The following PCDH9 variants were observed in gnomAD, a reference collection of about 807,000 sequenced individuals.
The protein encoded by PCDH9 is protocadherin-9.
Under a neutral mutation model 70.6 loss-of-function variants are expected in PCDH9, and 24 were observed. The observed-to-expected ratio is 0.34, with a 90% confidence interval of 0.25 to 0.48. The LOEUF (loss-of-function observed/expected upper bound fraction) is 0.48. PCDH9 is among the 20% of genes least tolerant of loss of function. PCDH9 has a pLI of 0.99. For synonymous variants in PCDH9, 562 were observed against 558.5 expected (o/e 1.01, Z -0.09); for missense variants, 1,281 against 1,503.6 (o/e 0.85, Z 2.45).
At chr13:66,469,360 G>T (rs1247608609) in intron 4 of PCDH9, among the ~76,000 whole-genome samples, 3 of 151,642 alleles carry the variant, frequency 2.0e-5, no homozygotes, top group African/African-American at 7.3e-5. Context: ...TGTCAATATT[G>T]ATTCACAGAA....
chr13:67,036,595 C>T (rs1346762848), intron 2 of PCDH9, among the ~76,000 whole-genome samples: 3 of 152,142 alleles, frequency 2.0e-5, no homozygotes, highest in African/African-American at 4.8e-5. Flanking sequence ...GGTTTTTTGA[C>T]ATGTTGTTAT....
At chr13:66,658,781 T>C (rs969855213) in intron 3 of PCDH9, among the ~76,000 whole-genome samples, 5 of 152,178 alleles carry the variant, frequency 3.3e-5, no homozygotes, top group Admixed American at 1.3e-4. Context: ...ACTTTTCCTA[T>C]CTGTTGAAAT....
chr13:67,025,187 C>G (rs967022628), intron 2 of PCDH9, among the ~76,000 whole-genome samples: 1 of 151,982 alleles, frequency 6.6e-6, no homozygotes, highest in Non-Finnish European at 1.5e-5. Flanking sequence ...GTGCTATATG[C>G]TAATTTTTTA....
chr13:67,200,988 C>T (rs538338199), intron 2 of PCDH9: 1 of 152,166 alleles, frequency 6.6e-6, no homozygotes, highest in African/African-American at 2.4e-5. Context: ...TTTTCACGAA[C>T]AAATTCAACA....
intron 2 of PCDH9, chr13:67,215,101 A>C (rs968703297): frequency 2.0e-5 from 3 of 151,080 alleles, no homozygotes; most frequent in African/African-American, 7.3e-5. Flanking sequence ...GTAGTTCATC[A>C]AGTCAGTTTT....
At chr13:66,552,140 AC>A (rs1470212585) in intron 4 of PCDH9, among the ~76,000 whole-genome samples, 24 of 152,144 alleles carry the variant, frequency 1.6e-4, no homozygotes, top group African/African-American at 5.5e-4. Flanking sequence ...GCAGATGTTC[AC>A]CCTGATCTCT....
intron 3 of PCDH9, among the ~76,000 whole-genome samples, chr13:66,765,098 G>C (rs1170274052): frequency 2.4e-5 from 3 of 125,936 alleles, no homozygotes; most frequent in South Asian, 2.6e-4. Context: ...CTCTCTCTCT[G>C]TATCTTTCTC....
intron 2 of PCDH9, among the ~76,000 whole-genome samples, chr13:67,021,609 G>A (rs769320489): frequency 3.3e-5 from 5 of 152,080 alleles, no homozygotes; most frequent in Non-Finnish European, 7.4e-5. Flanking sequence ...GCCCAGGCTG[G>A]AGTGCAGTGG....
rs557204782 is a variant in PCDH9, at chr13:66,304,722, A to C, written c.3647T>G (p.Leu1216Arg). Reference sequence around the variant, plus strand: ...TTGCTTATAAGACTTCAGATTTGCCAGAGGAATGTCTGTCATGTGGCTGCC... The same window carrying C: ...TTGCTTATAAGACTTCAGATTTGCCCGAGGAATGTCTGTCATGTGGCTGCC... ...NNGSHMTDIP[L>R]ANLKSYKQAG... The change falls in exon 5 of 5, where the codon CTG becomes CGG. Residue 1216 changes from leucine (L) to arginine (R), a missense_variant. This residue lies in a region of PCDH9 where 264 missense variants were observed against 278.8 expected (regional missense o/e 0.95). Coordinates refer to ENST00000377865, the MANE Select transcript of PCDH9 (RefSeq NM_203487.3). The C allele has an allele frequency of 8.1e-6, 13 of 1,613,274 alleles. No individual in the cohort carries two copies. The highest frequency in any genetic ancestry group is 1.1e-5 in the Non-Finnish European group (13 of 1,179,594).
At chr13:66,542,147 C>G (rs1960984875) in intron 4 of PCDH9, among the ~76,000 whole-genome samples, 3 of 151,954 alleles carry the variant, frequency 2.0e-5, no homozygotes, top group Admixed American at 6.6e-5. Flanking sequence ...TCATTTTTAC[C>G]ATAAATGATA....
chr13:66,655,483 T>C (rs544531852), intron 3 of PCDH9, among the ~76,000 whole-genome samples: 4 of 152,226 alleles, frequency 2.6e-5, no homozygotes, highest in African/African-American at 9.6e-5. Flanking sequence ...GTAATCTTTT[T>C]AATGTGCTTT....
chr13:66,407,251 C>G (rs1319318963), intron 4 of PCDH9, among the ~76,000 whole-genome samples: 1 of 152,198 alleles, frequency 6.6e-6, no homozygotes, highest in African/African-American at 2.4e-5. Context: ...GTAAATACAT[C>G]TGAGAGAGAA....
intron 2 of PCDH9, among the ~76,000 whole-genome samples, chr13:66,931,691 T>C (rs1272661975): frequency 6.6e-6 from 1 of 152,098 alleles, no homozygotes; most frequent in Non-Finnish European, 1.5e-5. Context: ...GTTCCACAGG[T>C]TTATCCGTAG....
Position 66,371,359 on chromosome 13 carries a change from C to T in PCDH9, c.3341-66331G>A, listed in dbSNP as rs1043355586. On this transcript the variant is annotated intron_variant, in intron 4 of 4. Transcript: ENST00000377865. ...TTTTCTTGGATGGTTGGATATTACA[C>T]ATTCTTAGTGTGATCAAAGAAAGAT... Among the ~76,000 whole-genome samples the T allele has an allele frequency of 4.6e-5, 7 of 152,018 alleles. No homozygotes were observed. In the East Asian group the frequency reaches 1.4e-3, roughly 29 times the overall value.
chr13:67,013,264 AAC>A lies in PCDH9; in HGVS notation c.3037-109661_3037-109660del, dbSNP rs111347560. Reference sequence around the variant, plus strand: ...TAAACATATACTTGTTTTTTAATGTAACACACACACACACACACACACACACA... The same window carrying A: ...TAAACATATACTTGTTTTTTAATGTAACACACACACACACACACACACACA... On this transcript the variant is annotated intron_variant, in intron 2 of 4. Transcript: ENST00000377865. Among the ~76,000 whole-genome samples, 1,224 of 144,428 alleles carry A rather than the reference AAC, an allele frequency of 8.5e-3. 10 individuals carry two copies. The highest frequency in any genetic ancestry group is 0.021 in the African/African-American group (821 of 39,246). The allele number at this position is 144,428 out of a possible 152,430, so 94.8% of individuals were successfully genotyped here. A position where few individuals can be genotyped will look rare whatever the true frequency, so the allele number is the denominator to read the frequency against.
chr13:66,392,254 C>T (rs1957030849), intron 4 of PCDH9, among the ~76,000 whole-genome samples: 2 of 146,084 alleles, frequency 1.4e-5, no homozygotes, highest in African/African-American at 5.6e-5. Flanking sequence ...TTAAGGAAAC[C>T]ATTTGTTAAG....
chr13:67,059,630 A>G (rs2138122018), intron 2 of PCDH9, among the ~76,000 whole-genome samples: 1 of 151,502 alleles, frequency 6.6e-6, no homozygotes, highest in Admixed American at 6.6e-5. Flanking sequence ...TCCTTTCAAG[A>G]CACTAATGAA....
In PCDH9 at chr13:66,303,047, T is replaced by G. The variant is rs544323733; in HGVS notation, c.*1608A>C. On this transcript the variant is annotated 3_prime_UTR_variant, in exon 5 of 5. Coordinates refer to ENST00000377865, the MANE Select transcript of PCDH9 (RefSeq NM_203487.3). ...AAAATGTGAACTGCTATTTACAAAGTAATTTTATTTTTTGGTAAGAACAAA... is the reference window on the plus strand; with the variant it reads ...AAAATGTGAACTGCTATTTACAAAGGAATTTTATTTTTTGGTAAGAACAAA... 1 of 152,620 alleles carries G rather than the reference T, an allele frequency of 6.6e-6. No homozygotes were observed. Among genetic ancestry groups the G allele is most frequent in the Non-Finnish European group, 1.5e-5 (1 of 67,980 alleles). The allele number at this position is 152,620 out of a possible 1,614,324, so 9.5% of individuals were successfully genotyped here. A position where few individuals can be genotyped will look rare whatever the true frequency, so the allele number is the denominator to read the frequency against.
chr13:67,214,522 A>T (rs139166870), intron 2 of PCDH9: 1 of 152,300 alleles, frequency 6.6e-6, no homozygotes, highest in African/African-American at 2.4e-5. Flanking sequence ...ATGGGGACGT[A>T]AATTCATTAC....
Sources: allele counts gnomAD v4.1 joint callset (sites outside exome capture counted in the v4.1 genomes callset), GRCh38; gene constraint gnomAD v4.1.1; regional missense constraint gnomAD v4.1.1; transcripts MANE v1.5; gene names NCBI Gene and HGNC (gene_info 2026-07-23, HGNC 2026-07-21).